Variants in RBFOX1 observed in about 807,000 individuals in gnomAD.
RBFOX1 encodes RNA binding fox-1 homolog 1, also known as RNA binding protein fox-1 homolog 1.
A neutral mutation model predicts 57.7 loss-of-function variants in RBFOX1; 8 were observed. That is an observed-to-expected ratio of 0.14 (90% CI 0.08 to 0.25). The LOEUF is 0.25. RBFOX1 is among the 10% of genes least tolerant of loss of function. RBFOX1 has a pLI of 1.00. For missense variants in RBFOX1, 611 were observed against 548.5 expected, an observed-to-expected ratio of 1.11 and a Z score of -1.14; for synonymous variants, 326 against 222.4, an observed-to-expected ratio of 1.47 and a Z score of -4.15.
intron 3 of RBFOX1, among the ~76,000 whole-genome samples, chr16:5,637,998 C>G (rs1343578191): frequency 1.3e-5 from 2 of 152,252 alleles, no homozygotes; most frequent in Admixed American, 6.5e-5. Flanking sequence ...AGTCCCCTGA[C>G]TATTCTTTCC....
At chr16:5,673,385 A>C (rs942121483) in intron 3 of RBFOX1, among the ~76,000 whole-genome samples, 3 of 152,080 alleles carry the variant, frequency 2.0e-5, no homozygotes, top group Non-Finnish European at 2.9e-5. Flanking sequence ...GCATGAAGCT[A>C]TCTTCTCTCA....
At chr16:6,651,528 C>T (rs560955479) in intron 2 of RBFOX1, among the ~76,000 whole-genome samples, 34 of 152,274 alleles carry the variant, frequency 2.2e-4, no homozygotes, top group African/African-American at 5.8e-4. Flanking sequence ...CATGCCTGTC[C>T]TCTCTTCATT....
chr16:6,616,142 T>C (rs901575386), intron 2 of RBFOX1, among the ~76,000 whole-genome samples: 1 of 152,340 alleles, frequency 6.6e-6, no homozygotes, highest in African/African-American at 2.4e-5. Flanking sequence ...CAGGCCTTTT[T>C]GCAGGAGCAA....
chr16:7,017,468 C>G (rs948841371), intron 3 of RBFOX1, among the ~76,000 whole-genome samples: 3 of 152,170 alleles, frequency 2.0e-5, no homozygotes, highest in Admixed American at 1.3e-4. Context: ...CACTGACGCG[C>G]GCACACATGC....
In RBFOX1 at chr16:7,510,828, C is replaced by G. The variant is rs113141892; in HGVS notation, c.28-7319C>G. On this transcript the variant is annotated intron_variant, in intron 4 of 15. Transcript: ENST00000550418. ...GAGTCCATGCTGGTGGGGGGTCCCACTGCAGGAGCCGCTGCTTTCCTGGGC... is the reference window on the plus strand; with the variant it reads ...GAGTCCATGCTGGTGGGGGGTCCCAGTGCAGGAGCCGCTGCTTTCCTGGGC... Among the ~76,000 whole-genome samples, 1,287 of 152,290 alleles carry G rather than the reference C, an allele frequency of 8.5e-3. 22 individuals carry two copies. The highest frequency in any genetic ancestry group is 0.03 in the African/African-American group (1,238 of 41,554).
intron 1 of RBFOX1, among the ~76,000 whole-genome samples, chr16:6,073,718 T>TATTA (rs2095862881): frequency 6.6e-6 from 1 of 152,248 alleles, no homozygotes; most frequent in African/African-American, 2.4e-5. Flanking sequence ...AGAGTTTTTA[T>TATTA]ATTAGTTGTT....
At chr16:6,951,961 C>T (rs1005031731) in intron 3 of RBFOX1, among the ~76,000 whole-genome samples, 2 of 152,162 alleles carry the variant, frequency 1.3e-5, no homozygotes, top group African/African-American at 2.4e-5. Flanking sequence ...GTCTCGAACA[C>T]CTGATCTCTT....
chr16:6,530,864 A>G (rs576904220), intron 2 of RBFOX1, among the ~76,000 whole-genome samples: 1 of 152,058 alleles, frequency 6.6e-6, no homozygotes, highest in Non-Finnish European at 1.5e-5. Flanking sequence ...ACATGTGGGA[A>G]TTGTAAGAGA....
At chr16:5,967,151 G>A (rs930863535) in intron 4 of RBFOX1, among the ~76,000 whole-genome samples, 4 of 152,004 alleles carry the variant, frequency 2.6e-5, no homozygotes, top group Admixed American at 6.6e-5. Context: ...AGACCATCTG[G>A]CCCGCAAAGC....
At chr16:5,793,037 C>T (rs1281187409) in intron 3 of RBFOX1, among the ~76,000 whole-genome samples, 1 of 152,196 alleles carries the variant, frequency 6.6e-6, no homozygotes, top group South Asian at 2.1e-4. Flanking sequence ...CCCTGCAGTT[C>T]AAACCCACGT....
At chr16:6,984,732 C>A (rs912114712) in intron 3 of RBFOX1, among the ~76,000 whole-genome samples, 7 of 152,074 alleles carry the variant, frequency 4.6e-5, no homozygotes, top group Admixed American at 2.0e-4. Flanking sequence ...CCTCTGCCTC[C>A]CAGGTTCATG....
intron 2 of RBFOX1, among the ~76,000 whole-genome samples, chr16:6,470,646 T>C (rs574273766): frequency 8.3e-4 from 126 of 152,304 alleles, no homozygotes; most frequent in South Asian, 4.1e-4. Flanking sequence ...CCCAACTTGA[T>C]GTGGTCAAAA....
chr16:6,442,423 G>A (rs1307903958), intron 2 of RBFOX1, among the ~76,000 whole-genome samples: 1 of 152,086 alleles, frequency 6.6e-6, no homozygotes, highest in Non-Finnish European at 1.5e-5. Flanking sequence ...TGGGCATGGT[G>A]GCACGCGCCT....
intron 3 of RBFOX1, among the ~76,000 whole-genome samples, chr16:7,047,963 C>A (rs947364125): frequency 6.6e-6 from 1 of 151,790 alleles, no homozygotes; most frequent in East Asian, 1.9e-4. Context: ...ACTGCAACCT[C>A]CCCCTGCCGG....
At chr16:6,614,204 A>T (rs1035180144) in intron 2 of RBFOX1, among the ~76,000 whole-genome samples, 4 of 152,200 alleles carry the variant, frequency 2.6e-5, no homozygotes, top group African/African-American at 9.7e-5. Flanking sequence ...AAGTAATGAA[A>T]TTCTGATGCA....
At chr16:6,090,561 G>T (rs2096156622) in intron 1 of RBFOX1, among the ~76,000 whole-genome samples, 1 of 152,320 alleles carries the variant, frequency 6.6e-6, no homozygotes, top group African/African-American at 2.4e-5. Flanking sequence ...AAGGCAGTGG[G>T]AAAAATCTAA....
intron 4 of RBFOX1, among the ~76,000 whole-genome samples, chr16:7,058,270 T>G (rs2053101967): frequency 6.6e-6 from 1 of 152,196 alleles, no homozygotes; most frequent in East Asian, 1.9e-4. Flanking sequence ...CAATCAGAAA[T>G]GCTCAGTTTA....
chr16:5,562,938 G>A (rs780607737), intron 2 of RBFOX1, among the ~76,000 whole-genome samples: 1 of 152,088 alleles, frequency 6.6e-6, no homozygotes, highest in Admixed American at 6.5e-5. Flanking sequence ...CCCAAACTAT[G>A]TAAAATAGGG....
chr16:7,184,014 G>C (rs962545875), intron 4 of RBFOX1, among the ~76,000 whole-genome samples: 5 of 152,230 alleles, frequency 3.3e-5, no homozygotes, highest in Non-Finnish European at 7.3e-5. Context: ...ATGATGAGGG[G>C]CGATGCAGAT....
Sources: allele counts gnomAD v4.1 joint callset (sites outside exome capture counted in the v4.1 genomes callset), GRCh38; gene constraint gnomAD v4.1.1; transcripts MANE v1.5; gene names NCBI Gene and HGNC (gene_info 2026-07-23, HGNC 2026-07-21).